NT5DC4: variants seen among roughly 807,000 people sequenced by gnomAD.
NT5DC4 encodes the protein 5'-nucleotidase domain-containing protein 4.
A neutral mutation model predicts 26.6 loss-of-function variants in NT5DC4; 44 were observed. The ratio of observed to expected loss-of-function variants is 1.65; its 90% CI spans 1.30 to 2.13. The LOEUF (loss-of-function observed/expected upper bound fraction) is 2.13. Among genes scored for constraint, NT5DC4 ranks in the 30% most tolerant of loss-of-function variants. The pLI, the probability that NT5DC4 is intolerant of heterozygous loss-of-function variation, is 0.00. For missense variants in NT5DC4, 399 were observed against 228.1 expected (o/e 1.75, Z -4.83); for synonymous variants, 157 against 86.7 (o/e 1.81, Z -4.51).
upstream of NT5DC4, among the ~76,000 whole-genome samples, chr2:112,720,463 C>T (rs1053762773): frequency 2.6e-5 from 4 of 152,142 alleles, no homozygotes; most frequent in Non-Finnish European, 4.4e-5. Context: ...GGTTGTGGAG[C>T]CAGTGGTATG....
At position 112,721,697 on chromosome 2, in the gene NT5DC4, C is replaced by G. The variant is rs549845907; in HGVS notation, c.75-121C>G. The G allele has an allele frequency of 4.8e-5, 34 of 714,814 alleles. No individual in the cohort carries two copies. The Admixed American group carries it at 5.2e-4, about 11-fold the overall frequency. The allele number at this position is 714,814 out of a possible 1,614,324, so 44.3% of individuals were successfully genotyped here. On this transcript the variant is annotated intron_variant, in intron 1 of 16. Coordinates refer to ENST00000688554, the MANE Select transcript of NT5DC4 (RefSeq NM_001393655.1). ...CTTGGCCTGACCTGCTTCCCCTGTG[C>G]TTTCTGCAGCTGCAGGGGGTGCTCT...
At position 112,722,289 on chromosome 2, in the gene NT5DC4, A is replaced by G; in HGVS notation, c.362+11A>G. 1.4e-6 allele frequency: 1 copy of G among 716,970 alleles called. No individual in the cohort carries two copies. The highest frequency in any genetic ancestry group is 2.6e-6 in the Non-Finnish European group (1 of 385,066). The allele number at this position is 716,970 out of a possible 1,614,324, so 44.4% of individuals were successfully genotyped here. A position where few individuals can be genotyped will look rare whatever the true frequency, so the allele number is the denominator to read the frequency against. ...CACCTTCCTCTCGGAGTAAGGGACA[A>G]AGGTGCCGGGAGAGTGGCAGGCCAG... On this transcript the variant is annotated intron_variant, in intron 4 of 16. Coordinates refer to ENST00000688554, the MANE Select transcript of NT5DC4 (RefSeq NM_001393655.1).
intron 8 of NT5DC4, 104 bp from the exon 9 acceptor site, chr2:112,723,615 C>A: frequency 1.5e-6 from 1 of 683,690 alleles, no homozygotes. Context: ...TGGTGCCTAC[C>A]TGCCTGGGCT....
chr2:112,722,605 G>T lies in NT5DC4; in HGVS notation c.469+16G>T, dbSNP rs1233633698. ...AACCTGCCTGGTGGGTGGAGGGTTGGGGGCACGGGAGGTGGTCCTGAGTTC... is the reference window on the plus strand; with the variant it reads ...AACCTGCCTGGTGGGTGGAGGGTTGTGGGCACGGGAGGTGGTCCTGAGTTC... On this transcript the variant is annotated intron_variant, in intron 5 of 16. Transcript: ENST00000688554. 4.2e-6 allele frequency: 3 copies of T among 717,360 alleles called. No homozygotes were observed. In the Admixed American group the frequency reaches 6.0e-5, roughly 14 times the overall value. The allele number at this position is 717,360 out of a possible 1,614,324, so 44.4% of individuals were successfully genotyped here.
downstream of NT5DC4, among the ~76,000 whole-genome samples, chr2:112,741,443 T>G (rs1558753906): frequency 1.3e-5 from 2 of 152,210 alleles, no homozygotes; most frequent in Non-Finnish European, 2.9e-5. Context: ...GTTACTGCCT[T>G]GGACAGTGGG....
intron 6 of NT5DC4, 112 bp downstream of exon 6, chr2:112,722,883 G>A (rs1677107697): frequency 3.1e-5 from 3 of 97,346 alleles, no homozygotes; most frequent in South Asian, 1.9e-4. Flanking sequence ...AGGGCTCCAG[G>A]AAGCTCAGTG....
downstream of NT5DC4, among the ~76,000 whole-genome samples, chr2:112,740,211 G>A (rs1419335407): frequency 6.6e-6 from 1 of 152,128 alleles, no homozygotes; most frequent in Non-Finnish European, 1.5e-5. Context: ...AATGGTGTGT[G>A]TCAGAGAGTT....
At position 112,724,888 on chromosome 2, in the gene NT5DC4, G is replaced by A. The variant is rs72823531; in HGVS notation, c.897G>A (p.Thr299=). The change falls in exon 11 of 17, where the codon ACG becomes ACA. Residue 299 remains threonine, a synonymous_variant. Coordinates refer to ENST00000688554, the MANE Select transcript of NT5DC4 (RefSeq NM_001393655.1). ...GGTTGGTCCTGAGGCAGGTCAACACGGTAATGGCAGGTGCAGAGGTCAGTC... is the reference window on the plus strand; with the variant it reads ...GGTTGGTCCTGAGGCAGGTCAACACAGTAATGGCAGGTGCAGAGGTCAGTC... ...AEGLVLRQVN[T]VMAGAEDSGK... is the part of the protein sequence containing the mutation. 5.0e-3 allele frequency: 3,610 copies of A among 717,040 alleles called. 9 individuals are homozygous for A. Among genetic ancestry groups the A allele is most frequent in the Non-Finnish European group, 7.5e-3 (2,869 of 385,006 alleles). 44.4% of individuals were successfully genotyped at this position (717,040 alleles called of 1,614,324 possible).
chr2:112,739,954 C>A (rs1038040750), downstream of NT5DC4, among the ~76,000 whole-genome samples: 1 of 151,952 alleles, frequency 6.6e-6, no homozygotes, highest in African/African-American at 2.4e-5. Flanking sequence ...ATGTGCCCAG[C>A]CTTTTCATTT....
intron 15 of NT5DC4, among the ~76,000 whole-genome samples, chr2:112,728,990 C>T (rs777195318): frequency 1.6e-4 from 24 of 152,198 alleles, no homozygotes; most frequent in Non-Finnish European, 2.4e-4. Flanking sequence ...AGCTGGGGGT[C>T]CAGGCATAGC....
At chr2:112,722,334 T>C (rs1676997339) in intron 4 of NT5DC4, 56 bp downstream of exon 4, 3 of 715,566 alleles carry the variant, frequency 4.2e-6, no homozygotes, top group Non-Finnish European at 7.8e-6. Flanking sequence ...ACTGCTCACC[T>C]TGGGGGAGGA....
upstream of NT5DC4, among the ~76,000 whole-genome samples, chr2:112,719,700 T>G (rs147000521): frequency 0.016 from 2,391 of 151,824 alleles, 61 homozygotes; most frequent in African/African-American, 0.054. Flanking sequence ...TGGCCAGGCT[T>G]GTCTCAAACT....
upstream of NT5DC4, among the ~76,000 whole-genome samples, chr2:112,720,185 A>G (rs558333429): frequency 6.8e-6 from 1 of 147,580 alleles, no homozygotes; most frequent in Admixed American, 6.9e-5. Context: ...CCAAGAGGCT[A>G]ATTTTTTTTT....
Position 112,725,211 on chromosome 2 carries a change from C to G in NT5DC4, c.953C>G (p.Pro318Arg). 1.4e-6 allele frequency: 1 copy of G among 715,772 alleles called. No individual in the cohort carries two copies. Among genetic ancestry groups the G allele is most frequent in the Non-Finnish European group, 2.6e-6 (1 of 383,868 alleles). The allele number at this position is 715,772 out of a possible 1,614,324, so 44.3% of individuals were successfully genotyped here. ...GKLHVGTYTG[P>R]HQHCAVYSGG... ...CTCCACGTGGGCACCTACACAGGGC[C>G]CCACCAGCACTGTGCTGTCTACTCT... Residue 318 changes from proline to arginine, a missense_variant, in exon 12 of 17, where the codon CCC becomes CGC. Physicochemically the swap from Pro to Arg is moderately radical, Grantham distance 103 (BLOSUM62 -2). Transcript: ENST00000688554.
intron 8 of NT5DC4, 65 bp downstream of exon 8, chr2:112,723,533 C>A: frequency 5.6e-6 from 4 of 709,166 alleles, no homozygotes; most frequent in South Asian, 1.5e-5. Flanking sequence ...CCCCCGCAAC[C>A]CTTCTCTGGC....
chr2:112,721,743 C>T, intron 1 of NT5DC4, 75 bp from the exon 2 acceptor site: 1 of 716,764 alleles, frequency 1.4e-6, no homozygotes, highest in South Asian at 1.5e-5. Flanking sequence ...GCGGGGTTTC[C>T]ACCCCCTCTG....
upstream of NT5DC4, among the ~76,000 whole-genome samples, chr2:112,720,251 G>A (rs1478075157): frequency 6.7e-6 from 1 of 148,762 alleles, no homozygotes; most frequent in Non-Finnish European, 1.5e-5. Context: ...ATTTTTAGTA[G>A]AGACAGGGTT....
rs116693303 is a variant in NT5DC4 at position 112,721,345 on chromosome 2, G to A, written c.74+192G>A. 2,567 of 653,572 alleles carry A rather than the reference G, an allele frequency of 3.9e-3. 52 individuals carry two copies. The African/African-American group carries it at 0.041, about 10-fold the overall frequency. 40.5% of individuals were successfully genotyped at this position (653,572 alleles called of 1,614,324 possible). On this transcript the variant is annotated intron_variant, in intron 1 of 16. Coordinates refer to ENST00000688554, the MANE Select transcript of NT5DC4 (RefSeq NM_001393655.1). ...TCAGGGAACTGACCACACACACTCCGGCGGGAGGTCCTCTTCACTTCCTTC... is the reference window on the plus strand; with the variant it reads ...TCAGGGAACTGACCACACACACTCCAGCGGGAGGTCCTCTTCACTTCCTTC...
intron 7 of NT5DC4, 61 bp downstream of exon 7, chr2:112,723,235 G>C (rs879292133): frequency 2.1e-4 from 151 of 716,634 alleles, no homozygotes; most frequent in Non-Finnish European, 3.7e-4. Flanking sequence ...TCCCCGGGCA[G>C]CCTTCAGGCC....
Sources: gnomAD v4.1 joint callset for allele counts (sites outside exome capture counted in the v4.1 genomes callset) on GRCh38, gnomAD v4.1.1 for gene constraint, MANE v1.5 for transcripts, NCBI Gene and HGNC (gene_info 2026-07-23, HGNC 2026-07-21) for gene names.